KIF11: variants seen among roughly 807,000 people sequenced by gnomAD.
KIF11 encodes the protein kinesin-like protein KIF11.
Under a neutral mutation model 121.0 loss-of-function variants are expected in KIF11, and 9 were observed. The ratio of observed to expected loss-of-function variants is 0.07; its 90% confidence interval spans 0.04 to 0.13. The LOEUF (loss-of-function observed/expected upper bound fraction) is 0.13. KIF11 is among the 10% of genes least tolerant of loss of function. KIF11 has a pLI of 1.00. For missense variants in KIF11, 846 were observed against 1,217.5 expected (o/e 0.69, Z 4.54); for synonymous variants, 408 against 421.0 (o/e 0.97, Z 0.38).
rs554522689 is a variant in KIF11, at chr10:92,615,896, A to G, written c.1033-841A>G. Among the ~76,000 whole-genome samples the G allele has an allele frequency of 1.6e-4, 24 of 147,742 alleles. No homozygotes were observed. In the South Asian group the frequency reaches 1.7e-3, roughly 10 times the overall value. ...GCTCTGTTGCCTAGGCTGGAGTGCA[A>G]TGGTGTGGTTTTGACTCACTGCAGT... On this transcript the variant is annotated intron_variant, in intron 8 of 21. Coordinates refer to ENST00000260731, the MANE Select transcript of KIF11 (RefSeq NM_004523.4).
At position 92,654,286 on chromosome 10, in the gene KIF11, A is replaced by G. The variant is rs1845021218; in HGVS notation, c.*490A>G. The G allele has an allele frequency of 6.6e-6, 1 of 152,396 alleles. No homozygotes were observed. The highest frequency in any genetic ancestry group is 1.5e-5 in the Non-Finnish European group (1 of 68,160). The allele number at this position is 152,396 out of a possible 1,614,324, so 9.4% of individuals were successfully genotyped here. On this transcript the variant is annotated 3_prime_UTR_variant, in exon 22 of 22. Transcript: ENST00000260731. ...TTCACTTTGTATTAAATTGGGTTTCATTTGGGATTTGCAATGTAAATACGT... is the reference window on the plus strand; with the variant it reads ...TTCACTTTGTATTAAATTGGGTTTCGTTTGGGATTTGCAATGTAAATACGT...
At chr10:92,619,119 C>T (rs1407990837) in intron 9 of KIF11, among the ~76,000 whole-genome samples, 1 of 152,068 alleles carries the variant, frequency 6.6e-6, no homozygotes, top group African/African-American at 2.4e-5. Flanking sequence ...CGGGTTCAAG[C>T]GATTCTCCTT....
intron 1 of KIF11, among the ~76,000 whole-genome samples, chr10:92,601,176 A>G (rs1480652959): frequency 7.0e-6 from 1 of 142,620 alleles, no homozygotes; most frequent in Non-Finnish European, 1.5e-5. Flanking sequence ...TTTCCTTTTC[A>G]ATTTGGATGC....
chr10:92,645,263 C>A, intron 17 of KIF11, 100 bp from the exon 18 acceptor site: 1 of 815,574 alleles, frequency 1.2e-6, no homozygotes, highest in Non-Finnish European at 1.9e-6. Context: ...AGACTGTCCA[C>A]GTTCAGATCT....
rs75352237 is a variant in KIF11, at chr10:92,606,603, T to TA, written c.211-14dup. ...ATTTTGAGGTTGATTTTTTTTTTTTTAATTTTTTTCGTTAGGTGTTTGGAG... is the reference window on the plus strand; with the variant it reads ...ATTTTGAGGTTGATTTTTTTTTTTTTAAATTTTTTTCGTTAGGTGTTTGGAG... On this transcript the variant is annotated splice_polypyrimidine_tract_variant and intron_variant, in intron 2 of 21. Transcript: ENST00000260731. The TA allele has an allele frequency of 1.7e-5, 25 of 1,453,724 alleles. No homozygotes were observed. Among genetic ancestry groups the TA allele is most frequent in the South Asian group, 6.2e-5 (5 of 80,484 alleles). 90.1% of individuals were successfully genotyped at this position (1,453,724 alleles called of 1,614,324 possible). A position where few individuals can be genotyped will look rare whatever the true frequency, so the allele number is the denominator to read the frequency against.
intron 16 of KIF11, among the ~76,000 whole-genome samples, chr10:92,639,586 C>T (rs892891878): frequency 5.3e-5 from 8 of 151,850 alleles, no homozygotes; most frequent in Non-Finnish European, 8.8e-5. Context: ...GAGTGAGACC[C>T]TGTCTCTAAA....
intron 1 of KIF11, among the ~76,000 whole-genome samples, chr10:92,600,097 C>G (rs1018193716): frequency 2.7e-5 from 4 of 150,766 alleles, no homozygotes; most frequent in African/African-American, 9.8e-5. Context: ...CCTCCGCCTC[C>G]CGGGTTCAAG....
chr10:92,650,365 C>G, intron 20 of KIF11, 36 bp from the exon 21 acceptor site: 1 of 1,248,260 alleles, frequency 8.0e-7, no homozygotes, highest in East Asian at 2.3e-5. Context: ...CTTTTAAGCC[C>G]TTGGACTTAG....
Position 92,649,857 on chromosome 10 carries a change from T to G in KIF11, c.2793T>G (p.Ser931Arg). ...IPTGTTPQRKSYLYPSTLVRT... is the reference protein window; with the variant it reads ...IPTGTTPQRKRYLYPSTLVRT... ...AAGGTACGACACCACAGAGGAAAAG[T>G]TATTTATACCCATCAACACTGGTAA... is the stretch of plus-strand genomic sequence containing the variant. The change falls in exon 20 of 22, where the codon AGT (serine) becomes AGG (arginine). Residue 931 changes from serine (S) to arginine (R), a missense_variant. By Grantham distance (110) the Ser-to-Arg change is moderately radical (BLOSUM62 -1). Coordinates refer to ENST00000260731, the MANE Select transcript of KIF11 (RefSeq NM_004523.4). 1 of 1,609,968 alleles carries G rather than the reference T, an allele frequency of 6.2e-7. No individual in the cohort carries two copies. The highest frequency in any genetic ancestry group is 8.5e-7 in the Non-Finnish European group (1 of 1,177,134).
rs72811230 is a variant in KIF11 at position 92,648,450 on chromosome 10, A to G, written c.2770+16A>G. On this transcript the variant is annotated intron_variant, in intron 19 of 21. Transcript: ENST00000260731. ...ATCCCAACAGGTACTTTAAAAGAGA[A>G]ATAGAATTGTTAAATTTTTTGAAGT... is the stretch of plus-strand genomic sequence containing the variant. The G allele has an allele frequency of 0.068, 101,221 of 1,492,596 alleles. 4,040 individuals carry two copies. Among genetic ancestry groups the G allele is most frequent in the Non-Finnish European group, 0.077 (84,031 of 1,097,890 alleles). 92.5% of individuals were successfully genotyped at this position (1,492,596 alleles called of 1,614,324 possible).
chr10:92,610,859 A>G (rs1844488247), intron 6 of KIF11, among the ~76,000 whole-genome samples: 1 of 152,212 alleles, frequency 6.6e-6, no homozygotes, highest in South Asian at 2.1e-4. Flanking sequence ...ATTTTGGATG[A>G]TTTCAAAATT....
intron 10 of KIF11, among the ~76,000 whole-genome samples, chr10:92,622,842 A>G (rs577271427): frequency 2.0e-5 from 3 of 152,234 alleles, no homozygotes; most frequent in South Asian, 4.1e-4. Flanking sequence ...GAAACTTACA[A>G]TCCTGGTAGA....
chr10:92,624,489 T>C (rs991203687), intron 10 of KIF11, among the ~76,000 whole-genome samples: 1 of 152,016 alleles, frequency 6.6e-6, no homozygotes, highest in Non-Finnish European at 1.5e-5. Context: ...TCAACTCACC[T>C]TGGTATCCTG....
chr10:92,630,448 GT>G, intron 12 of KIF11, 84 bp downstream of exon 12: 1 of 675,790 alleles, frequency 1.5e-6, no homozygotes, highest in Middle Eastern at 2.7e-4. Flanking sequence ...TAAATATTCT[GT>G]TTATTCACCC....
intron 14 of KIF11, 23 bp downstream of exon 14, chr10:92,633,818 T>G: frequency 6.9e-7 from 1 of 1,439,416 alleles, no homozygotes; most frequent in Non-Finnish European, 9.6e-7. Context: ...TTTAAAATAT[T>G]TTTGAAGGGT....
intron 8 of KIF11, among the ~76,000 whole-genome samples, chr10:92,616,339 A>T (rs1844557488): frequency 6.6e-6 from 1 of 151,522 alleles, no homozygotes; most frequent in South Asian, 2.1e-4. Context: ...GTGGGACTAT[A>T]GGCACATACT....
intron 8 of KIF11, among the ~76,000 whole-genome samples, chr10:92,615,849 T>G (rs1172273884): frequency 1.3e-5 from 2 of 151,186 alleles, no homozygotes; most frequent in Admixed American, 6.6e-5. Context: ...TTTGTTTTTT[T>G]TTTTTTTTGA....
intron 13 of KIF11, 44 bp from the exon 14 acceptor site, chr10:92,633,579 T>C (rs373031326): frequency 6.6e-5 from 90 of 1,359,120 alleles, no homozygotes; most frequent in Non-Finnish European, 5.7e-5. Context: ...GTATTTAATA[T>C]ATTTATGTCA....
At chr10:92,621,236 T>G in intron 9 of KIF11, 149 bp from the exon 10 acceptor site, 1 of 455,056 alleles carries the variant, frequency 2.2e-6, no homozygotes. Flanking sequence ...TTAATATTGA[T>G]TAAAAAGTAT....
Sources: allele counts gnomAD v4.1 joint callset (sites outside exome capture counted in the v4.1 genomes callset), GRCh38; gene constraint gnomAD v4.1.1; transcripts MANE v1.5; gene names NCBI Gene and HGNC (gene_info 2026-07-23, HGNC 2026-07-21).